Variants in TMEFF2 observed in about 807,000 individuals in gnomAD.
TMEFF2 encodes tomoregulin-2.
In TMEFF2, 28 loss-of-function variants were observed where a neutral mutation model predicts 53.8. The ratio of observed to expected loss-of-function variants is 0.52; its 90% CI spans 0.39 to 0.71. The LOEUF is 0.71. Ranked by LOEUF, TMEFF2 falls within the 30% of genes least tolerant of loss-of-function variation. The probability of loss-of-function intolerance (pLI) is 0.00; values close to 1 mark genes in which losing one functional copy is unlikely to be tolerated. For synonymous variants in TMEFF2, 162 were observed against 166.3 expected (o/e 0.97, Z 0.20); for missense variants, 353 against 455.2 (o/e 0.78, Z 2.04).
chr2:192,001,359 C>T (rs965278518), intron 5 of TMEFF2, among the ~76,000 whole-genome samples: 18 of 151,798 alleles, frequency 1.2e-4, no homozygotes, highest in African/African-American at 3.6e-4. Flanking sequence ...ATATATTTTA[C>T]ATTTTTATTA....
chr2:192,194,349 T>A lies in TMEFF2; in HGVS notation c.172+4A>T. The A allele has an allele frequency of 6.2e-7, 1 of 1,613,946 alleles. No individual in the cohort carries two copies. Among genetic ancestry groups the A allele is most frequent in the Non-Finnish European group, 8.5e-7 (1 of 1,179,914 alleles). On this transcript the variant is annotated splice_donor_region_variant and intron_variant, in intron 1 of 9. Coordinates refer to ENST00000272771, the MANE Select transcript of TMEFF2 (RefSeq NM_016192.4). The surrounding 1 kb of genome is among the most constrained non-coding windows in gnomAD (Gnocchi z 4.2). ...AGGGTCGGGGACGGGGGTTCTGGAC[T>A]TACCAGAGCAATTCCAGCCGGTGGG...
At chr2:192,021,836 G>A (rs1035439573) in intron 5 of TMEFF2, 5 of 152,090 alleles carry the variant, frequency 3.3e-5, no homozygotes, top group African/African-American at 7.2e-5. Flanking sequence ...CTTCGGATAC[G>A]AAAAAAGCAA....
chr2:192,122,278 T>TA (rs1559135740), intron 4 of TMEFF2, among the ~76,000 whole-genome samples: 2 of 152,080 alleles, frequency 1.3e-5, no homozygotes, highest in Non-Finnish European at 1.5e-5. Context: ...TTCTTAATGC[T>TA]AAAAAAAGGT....
intron 5 of TMEFF2, chr2:192,044,082 GAAC>G (rs2105888703): frequency 6.6e-6 from 1 of 152,240 alleles, no homozygotes; most frequent in South Asian, 2.1e-4. Context: ...CTCTCAATAA[GAAC>G]AACCAGAATC....
intron 4 of TMEFF2, among the ~76,000 whole-genome samples, chr2:192,077,771 C>T (rs1688465536): frequency 6.6e-6 from 1 of 151,602 alleles, no homozygotes; most frequent in African/African-American, 2.4e-5. Flanking sequence ...TTCATATATA[C>T]TTGTACACAT....
intron 7 of TMEFF2, among the ~76,000 whole-genome samples, chr2:191,994,996 C>G (rs900616816): frequency 6.6e-6 from 1 of 151,970 alleles, no homozygotes; most frequent in Admixed American, 6.6e-5. Flanking sequence ...TGAGCAAATT[C>G]TTTGGTTTCC....
Position 191,949,902 on chromosome 2 carries a change from C to G in TMEFF2, c.*409G>C. 1.0e-6 allele frequency: 1 copy of G among 994,440 alleles called. No individual in the cohort carries two copies. Among genetic ancestry groups the G allele is most frequent in the Non-Finnish European group, 1.2e-6 (1 of 835,452 alleles). 61.6% of individuals were successfully genotyped at this position (994,440 alleles called of 1,614,324 possible). On this transcript the variant is annotated 3_prime_UTR_variant, in exon 10 of 10. Coordinates refer to ENST00000272771, the MANE Select transcript of TMEFF2 (RefSeq NM_016192.4). ...CAAAACCTAGCCACTGAGTCCTGTA[C>G]GAACTAATGTGCTGTCTCAAGATGA...
chr2:192,016,564 A>G (rs1686749982), intron 5 of TMEFF2, among the ~76,000 whole-genome samples: 1 of 152,250 alleles, frequency 6.6e-6, no homozygotes, highest in African/African-American at 2.4e-5. Context: ...CTGTGAGTCC[A>G]TCTTACAGCC....
intron 7 of TMEFF2, among the ~76,000 whole-genome samples, chr2:191,958,915 A>G (rs1692185592): frequency 6.6e-6 from 1 of 152,206 alleles, no homozygotes; most frequent in Non-Finnish European, 1.5e-5. Context: ...CTGAATATAT[A>G]ACCACTGCTA....
chr2:192,023,564 G>C (rs547179278), intron 5 of TMEFF2, among the ~76,000 whole-genome samples: 1 of 152,296 alleles, frequency 6.6e-6, no homozygotes, highest in African/African-American at 2.4e-5. Flanking sequence ...GCTGGAGGTA[G>C]GGGTGGGCAC....
intron 4 of TMEFF2, among the ~76,000 whole-genome samples, chr2:192,120,399 A>G (rs1689521132): frequency 1.3e-5 from 2 of 152,212 alleles, no homozygotes; most frequent in Non-Finnish European, 2.9e-5. Flanking sequence ...CACAGTGAAC[A>G]TGGGATGTAC....
At chr2:192,053,347 T>C (rs1208895394) in intron 5 of TMEFF2, among the ~76,000 whole-genome samples, 1 of 152,218 alleles carries the variant, frequency 6.6e-6, no homozygotes, top group Non-Finnish European at 1.5e-5. Flanking sequence ...GACTTTTTTA[T>C]TCTAATAAAG....
At chr2:192,148,333 A>T (rs1690302706) in intron 4 of TMEFF2, among the ~76,000 whole-genome samples, 1 of 152,024 alleles carries the variant, frequency 6.6e-6, no homozygotes, top group East Asian at 1.9e-4. Flanking sequence ...CAATAATATG[A>T]CTATCACAGA....
At chr2:191,999,284 G>T in intron 5 of TMEFF2, 76 bp from the exon 6 acceptor site, 3 of 1,295,770 alleles carry the variant, frequency 2.3e-6, no homozygotes, top group Non-Finnish European at 3.1e-6. Flanking sequence ...ACAAATGAAA[G>T]AATTGCTAAG....
At chr2:192,084,109 T>A (rs1688613551) in intron 4 of TMEFF2, among the ~76,000 whole-genome samples, 1 of 152,144 alleles carries the variant, frequency 6.6e-6, no homozygotes, top group Non-Finnish European at 1.5e-5. Flanking sequence ...CTGTTCAACA[T>A]CACACAACTC....
At chr2:191,964,315 C>CCTTCCTTT (rs1692365547) in intron 7 of TMEFF2, among the ~76,000 whole-genome samples, 1 of 133,216 alleles carries the variant, frequency 7.5e-6, no homozygotes, top group African/African-American at 3.1e-5. Flanking sequence ...TTCTTTCTTT[C>CCTTCCTTT]CTTCCTTCCT....
intron 4 of TMEFF2, among the ~76,000 whole-genome samples, chr2:192,097,973 A>G (rs750867595): frequency 6.6e-6 from 1 of 152,236 alleles, no homozygotes. Context: ...AAGAAAGGTC[A>G]CAAGCATTTG....
intron 4 of TMEFF2, among the ~76,000 whole-genome samples, chr2:192,059,397 A>G (rs1687990958): frequency 6.6e-6 from 1 of 152,138 alleles, no homozygotes; most frequent in African/African-American, 2.4e-5. Context: ...GACCATGGGG[A>G]TAAGAGGGAA....
At chr2:192,022,367 T>A (rs1686877025) in intron 5 of TMEFF2, among the ~76,000 whole-genome samples, 1 of 152,230 alleles carries the variant, frequency 6.6e-6, no homozygotes, top group African/African-American at 2.4e-5. Flanking sequence ...TGTCCTTGAC[T>A]CACATTCAAC....
Sources: allele counts gnomAD v4.1 joint callset (sites outside exome capture counted in the v4.1 genomes callset), GRCh38; gene constraint gnomAD v4.1.1; non-coding constraint Gnocchi (gnomAD v3.1); transcripts MANE v1.5; gene names NCBI Gene and HGNC (gene_info 2026-07-23, HGNC 2026-07-21).